The following TRIM33 variants were observed in gnomAD, a reference collection of about 807,000 sequenced individuals.
TRIM33 encodes the protein E3 ubiquitin-protein ligase TRIM33.
A neutral mutation model predicts 125.4 loss-of-function variants in TRIM33; 20 were observed. That is an observed-to-expected ratio of 0.16 (90% CI 0.11 to 0.23). The LOEUF is 0.23. TRIM33 is among the 10% of genes least tolerant of loss of function. TRIM33 has a pLI of 1.00. For missense variants in TRIM33, 920 were observed against 1,411.4 expected, an observed-to-expected ratio of 0.65 and a Z score of 5.58; for synonymous variants, 564 against 513.9, an observed-to-expected ratio of 1.10 and a Z score of -1.32.
chr1:114,451,202 G>A (rs1181220937), intron 4 of TRIM33, among the ~76,000 whole-genome samples: 1 of 152,000 alleles, frequency 6.6e-6, no homozygotes, highest in African/African-American at 2.4e-5. Flanking sequence ...TATTTCTCCA[G>A]AGAATAGGTC....
chr1:114,422,468 C>T (rs1023933718), intron 10 of TRIM33, among the ~76,000 whole-genome samples: 1 of 150,772 alleles, frequency 6.6e-6, no homozygotes, highest in African/African-American at 2.5e-5. Context: ...TTCAGACCAT[C>T]AATCTTTTGT....
chr1:114,463,226 T>C lies in TRIM33; in HGVS notation c.801A>G (p.Gly267=), dbSNP rs1650095145. ...RKKEDVSESV[G]ASGQRPVFCP... is the part of the protein sequence containing the mutation. ...AGAAAACAGGGCGTTGACCAGATGC[T>C]CCAACAGACTCTGTAGCAAAATAAA... The change falls in exon 4 of 20, where the codon GGA becomes GGG. Residue 267 remains glycine, a synonymous_variant. Transcript: ENST00000358465. The C allele has an allele frequency of 1.3e-6, 2 of 1,595,614 alleles. No homozygotes were observed. Among genetic ancestry groups the C allele is most frequent in the Non-Finnish European group, 1.7e-6 (2 of 1,175,344 alleles).
chr1:114,502,382 G>A (rs1557906024), intron 1 of TRIM33, among the ~76,000 whole-genome samples: 1 of 152,094 alleles, frequency 6.6e-6, no homozygotes, highest in Non-Finnish European at 1.5e-5. Flanking sequence ...AAGAGCTTTT[G>A]TTTAGATGGG....
chr1:114,401,239 TG>T, intron 17 of TRIM33, 149 bp downstream of exon 17: 1 of 407,262 alleles, frequency 2.5e-6, no homozygotes, highest in Non-Finnish European at 4.4e-6. Flanking sequence ...GGTTTCACCG[TG>T]GTCTCTATTT....
intron 4 of TRIM33, among the ~76,000 whole-genome samples, chr1:114,442,328 A>G (rs761308099): frequency 1.3e-5 from 2 of 152,218 alleles, no homozygotes; most frequent in African/African-American, 2.4e-5. Flanking sequence ...CTGACAGTAG[A>G]TATGTATTTA....
At position 114,510,987 on chromosome 1, in the gene TRIM33, G is replaced by C. The variant is rs777340573; in HGVS notation, c.90C>G (p.Ala30=). The change falls in exon 1 of 20, where the codon GCC becomes GCG. Residue 30 remains alanine, a synonymous_variant. Transcript: ENST00000358465. ...TGAGAGGCGGCTCCGCCTCCTGCGC[G>C]GCGGGCCCGGCGGCCCCGGCAGTTA... ...APVTAGAAGP[A]AQEAEPPLTA... The C allele has an allele frequency of 2.4e-5, 32 of 1,335,402 alleles. No individual in the cohort carries two copies. Among genetic ancestry groups the C allele is most frequent in the Non-Finnish European group, 3.0e-5 (31 of 1,045,042 alleles). The allele number at this position is 1,335,402 out of a possible 1,614,324, so 82.7% of individuals were successfully genotyped here.
intron 1 of TRIM33, among the ~76,000 whole-genome samples, chr1:114,505,872 G>A (rs1401908821): frequency 6.6e-6 from 1 of 152,060 alleles, no homozygotes; most frequent in African/African-American, 2.4e-5. Flanking sequence ...CCAGTCCACA[G>A]TAAGTTGAAG....
intron 1 of TRIM33, among the ~76,000 whole-genome samples, chr1:114,480,719 C>T (rs1015036049): frequency 6.6e-6 from 1 of 151,892 alleles, no homozygotes; most frequent in African/African-American, 2.4e-5. Flanking sequence ...AGTAAACACT[C>T]CAATGAAAAG....
At chr1:114,421,412 G>A (rs775839438) in intron 11 of TRIM33, 24 bp downstream of exon 11, 10 of 1,591,360 alleles carry the variant, frequency 6.3e-6, no homozygotes, top group Non-Finnish European at 8.6e-6. Flanking sequence ...GTTTAATGAA[G>A]CCTCATTCAA....
intron 4 of TRIM33, among the ~76,000 whole-genome samples, chr1:114,455,294 A>G (rs534055946): frequency 1.1e-4 from 16 of 152,328 alleles, no homozygotes; most frequent in Non-Finnish European, 1.8e-4. Context: ...GCAGCTGATA[A>G]GCTTCTTATG....
chr1:114,483,396 G>GA (rs969211413), intron 1 of TRIM33, among the ~76,000 whole-genome samples: 1 of 150,972 alleles, frequency 6.6e-6, no homozygotes, highest in Non-Finnish European at 1.5e-5. Flanking sequence ...CTACAAAAAG[G>GA]AAAGTCCAGA....
chr1:114,499,674 G>A (rs1035802666), intron 1 of TRIM33, among the ~76,000 whole-genome samples: 1 of 152,130 alleles, frequency 6.6e-6, no homozygotes, highest in Non-Finnish European at 1.5e-5. Flanking sequence ...ACCCTCTGGA[G>A]GCTTGTTCCC....
At chr1:114,477,673 G>C (rs868686203) in intron 1 of TRIM33, among the ~76,000 whole-genome samples, 1 of 152,304 alleles carries the variant, frequency 6.6e-6, no homozygotes. Flanking sequence ...GAGCATCACT[G>C]TGTAACAGAA....
intron 11 of TRIM33, among the ~76,000 whole-genome samples, chr1:114,419,495 C>G (rs558990761): frequency 6.6e-6 from 1 of 152,068 alleles, no homozygotes; most frequent in Non-Finnish European, 1.5e-5. Context: ...TTATATATTG[C>G]CTGTGAAAGC....
chr1:114,487,339 C>CA (rs35231757), intron 1 of TRIM33, among the ~76,000 whole-genome samples: 11,233 of 57,680 alleles, frequency 0.19, 568 homozygotes, highest in Admixed American at 0.23. Flanking sequence ...CCATGCAGGC[C>CA]AAAAAAAAAA....
At position 114,463,482 on chromosome 1, in the gene TRIM33, T is replaced by G; in HGVS notation, c.720A>C (p.Thr240=). 1 of 1,612,442 alleles carries G rather than the reference T, an allele frequency of 6.2e-7. No individual in the cohort carries two copies. Among genetic ancestry groups the G allele is most frequent in the Non-Finnish European group, 8.5e-7 (1 of 1,178,574 alleles). ...TTACTCTTTGATGTGCTTCGATACATGTCTTACATAGCCACTCTCCACATT... is the reference window on the plus strand; with the variant it reads ...TTACTCTTTGATGTGCTTCGATACAGGTCTTACATAGCCACTCTCCACATT... ...CVECGEWLCK[T]CIEAHQRVKF... Residue 240 remains threonine (T), a synonymous_variant, in exon 3 of 20, where the codon ACA becomes ACC. Coordinates refer to ENST00000358465, the MANE Select transcript of TRIM33 (RefSeq NM_015906.4).
rs1052287308 is a variant in TRIM33, at chr1:114,399,441, T to A, written c.3120+16A>T. ...AACTAACAAATCAAGACTCTATAGG[T>A]TGGAAGTTAACATACTTCATTAAAC... On this transcript the variant is annotated intron_variant, in intron 18 of 19. Coordinates refer to ENST00000358465, the MANE Select transcript of TRIM33 (RefSeq NM_015906.4). 6.2e-7 allele frequency: 1 copy of A among 1,609,604 alleles called. No individual in the cohort carries two copies. The highest frequency in any genetic ancestry group is 8.5e-7 in the Non-Finnish European group (1 of 1,177,168).
chr1:114,431,949 T>C (rs1215489736), intron 5 of TRIM33, among the ~76,000 whole-genome samples: 1 of 151,682 alleles, frequency 6.6e-6, no homozygotes, highest in Non-Finnish European at 1.5e-5. Flanking sequence ...AAACAGAGAG[T>C]AGTTAGAGAG....
chr1:114,468,922 C>G (rs1041641474), intron 1 of TRIM33: 1 of 247,798 alleles, frequency 4.0e-6, no homozygotes, highest in Non-Finnish European at 8.2e-6. Context: ...CAAACCTCTA[C>G]AGGTCATTTG....
Sources: allele counts gnomAD v4.1 joint callset (sites outside exome capture counted in the v4.1 genomes callset), GRCh38; gene constraint gnomAD v4.1.1; transcripts MANE v1.5; gene names NCBI Gene and HGNC (gene_info 2026-07-23, HGNC 2026-07-21).